HIBADH: variants seen among roughly 807,000 people sequenced by gnomAD.
The protein encoded by HIBADH is 3-hydroxyisobutyrate dehydrogenase, mitochondrial.
HIBADH carries 25 observed loss-of-function variants against 36.1 expected under a neutral mutation model. The ratio of observed to expected loss-of-function variants is 0.69; its 90% confidence interval spans 0.50 to 0.97. The LOEUF (loss-of-function observed/expected upper bound fraction) is 0.97. Among genes scored for constraint, HIBADH ranks in the 50% least tolerant of loss-of-function variants. The probability of loss-of-function intolerance (pLI) is 0.00; values close to 1 mark genes in which losing one functional copy is unlikely to be tolerated. For missense variants in HIBADH, 421 were observed against 418.0 expected (o/e 1.01, Z -0.06); for synonymous variants, 160 against 149.5 (o/e 1.07, Z -0.51).
intron 4 of HIBADH, among the ~76,000 whole-genome samples, 197 bp from the exon 5 acceptor site, chr7:27,543,297 G>A (rs1784186543): frequency 1.3e-5 from 2 of 152,058 alleles, no homozygotes; most frequent in Admixed American, 6.6e-5. Flanking sequence ...CACAAACCAA[G>A]AGAGACATAC....
chr7:27,662,514 G>A (rs777396591), intron 1 of HIBADH, among the ~76,000 whole-genome samples, 184 bp downstream of exon 1: 46 of 152,204 alleles, frequency 3.0e-4, no homozygotes, highest in Non-Finnish European at 6.2e-4. Context: ...GAAGGCAGAG[G>A]GGGGTACTCG....
intron 4 of HIBADH, among the ~76,000 whole-genome samples, chr7:27,570,852 T>A (rs1036487930): frequency 8.5e-5 from 13 of 152,122 alleles, no homozygotes; most frequent in Non-Finnish European, 1.5e-4. Context: ...ATTTCTTTTT[T>A]AAAAAAATTT....
intron 1 of HIBADH, among the ~76,000 whole-genome samples, chr7:27,660,627 T>C (rs975773430): frequency 1.3e-5 from 2 of 150,836 alleles, no homozygotes; most frequent in Non-Finnish European, 2.9e-5. Flanking sequence ...ATTGCGCCAA[T>C]GCACTCTAGC....
chr7:27,536,099 CT>C, intron 6 of HIBADH, among the ~76,000 whole-genome samples: 1 of 152,226 alleles, frequency 6.6e-6, no homozygotes, highest in Admixed American at 6.5e-5. Flanking sequence ...CCAATTTTCT[CT>C]TTCACCTTGC....
intron 5 of HIBADH, among the ~76,000 whole-genome samples, chr7:27,538,800 A>G (rs931528981): frequency 2.0e-5 from 3 of 152,170 alleles, no homozygotes; most frequent in African/African-American, 2.4e-5. Context: ...GGTAGAGGCT[A>G]TAAGAGATAG....
chr7:27,635,779 GTCAAGGCTGC>G (rs748322858), intron 2 of HIBADH, among the ~76,000 whole-genome samples: 31,477 of 152,082 alleles, frequency 0.21, 4,108 homozygotes, highest in East Asian at 0.44. Flanking sequence ...TGCTCTGATT[GTCAAGGCTGC>G]CCCAGACAGA....
At chr7:27,662,002 T>C (rs1230335835) in intron 1 of HIBADH, among the ~76,000 whole-genome samples, 1 of 152,182 alleles carries the variant, frequency 6.6e-6, no homozygotes, top group Non-Finnish European at 1.5e-5. Context: ...AGTTCATGGC[T>C]AGCTTCCACA....
At chr7:27,597,753 A>C (rs1785055466) in intron 4 of HIBADH, among the ~76,000 whole-genome samples, 1 of 152,220 alleles carries the variant, frequency 6.6e-6, no homozygotes, top group Admixed American at 6.5e-5. Context: ...CTACTGAAGG[A>C]AAGAATACCT....
At chr7:27,536,201 A>G (rs993772234) in intron 6 of HIBADH, among the ~76,000 whole-genome samples, 5 of 152,186 alleles carry the variant, frequency 3.3e-5, no homozygotes, top group Admixed American at 3.3e-4. Context: ...AAGAAAAGAC[A>G]ATAGCAGAAG....
intron 4 of HIBADH, among the ~76,000 whole-genome samples, chr7:27,566,246 A>T (rs2128187442): frequency 6.6e-6 from 1 of 152,110 alleles, no homozygotes; most frequent in South Asian, 2.1e-4. Flanking sequence ...TTCTTTAAAT[A>T]AGAAGAAATG....
At chr7:27,633,396 G>A (rs1259206115) in intron 2 of HIBADH, among the ~76,000 whole-genome samples, 7 of 152,132 alleles carry the variant, frequency 4.6e-5, no homozygotes, top group Admixed American at 3.3e-4. Context: ...AATGACTCAC[G>A]CCTGTAATCC....
At chr7:27,565,153 T>A (rs913555205) in intron 4 of HIBADH, among the ~76,000 whole-genome samples, 1 of 152,136 alleles carries the variant, frequency 6.6e-6, no homozygotes, top group African/African-American at 2.4e-5. Flanking sequence ...CAGGGCCAAG[T>A]ACCAGACACT....
intron 4 of HIBADH, among the ~76,000 whole-genome samples, chr7:27,571,811 T>C (rs761961756): frequency 6.6e-6 from 1 of 152,224 alleles, no homozygotes; most frequent in Non-Finnish European, 1.5e-5. Flanking sequence ...GTCTTAAATT[T>C]AATTATTGGT....
chr7:27,630,729 C>T (rs954637119), intron 3 of HIBADH, among the ~76,000 whole-genome samples: 4 of 151,634 alleles, frequency 2.6e-5, no homozygotes, highest in Admixed American at 2.0e-4. Flanking sequence ...AGCAAGACCT[C>T]GTCTAAAATA....
intron 4 of HIBADH, among the ~76,000 whole-genome samples, chr7:27,615,882 T>C (rs1015541112): frequency 1.3e-5 from 2 of 152,212 alleles, no homozygotes; most frequent in Non-Finnish European, 2.9e-5. Context: ...TATGGCTCCA[T>C]GCCTGTTAAT....
chr7:27,657,272 A>G (rs991062193), intron 1 of HIBADH, among the ~76,000 whole-genome samples: 1 of 152,162 alleles, frequency 6.6e-6, no homozygotes, highest in African/African-American at 2.4e-5. Context: ...CATCAGTGAA[A>G]TTCCTAATTA....
intron 4 of HIBADH, among the ~76,000 whole-genome samples, chr7:27,553,462 T>A (rs1784348205): frequency 6.6e-6 from 1 of 152,178 alleles, no homozygotes; most frequent in East Asian, 1.9e-4. Context: ...CTCTTTTAAT[T>A]AGCCTTGCCT....
At chr7:27,532,145 G>GA (rs1784012186) in intron 6 of HIBADH, among the ~76,000 whole-genome samples, 2 of 152,058 alleles carry the variant, frequency 1.3e-5, no homozygotes, top group South Asian at 2.1e-4. Flanking sequence ...GTGGACCCTA[G>GA]AAAAAATAAT....
intron 4 of HIBADH, among the ~76,000 whole-genome samples, chr7:27,564,370 T>C (rs1056914106): frequency 9.8e-5 from 15 of 152,352 alleles, no homozygotes; most frequent in African/African-American, 2.9e-4. Context: ...ATGTGAGCTA[T>C]AGATCAACAA....
Sources: allele counts gnomAD v4.1 joint callset (sites outside exome capture counted in the v4.1 genomes callset), GRCh38; gene constraint gnomAD v4.1.1; transcripts MANE v1.5; gene names NCBI Gene and HGNC (gene_info 2026-07-23, HGNC 2026-07-21).